Variants in AGPAT2 observed in about 807,000 individuals in gnomAD.
The protein encoded by AGPAT2 is 1-acyl-sn-glycerol-3-phosphate acyltransferase beta.
A neutral mutation model predicts 26.1 loss-of-function variants in AGPAT2; 18 were observed. The ratio of observed to expected loss-of-function variants is 0.69; its 90% confidence interval spans 0.48 to 1.02. The LOEUF (loss-of-function observed/expected upper bound fraction) is 1.02. Ranked by LOEUF, AGPAT2 falls within the 50% of genes least tolerant of loss-of-function variation. The pLI is 0.00. For synonymous variants in AGPAT2, 200 were observed against 174.2 expected, an observed-to-expected ratio of 1.15 and a Z score of -1.16; for missense variants, 415 against 394.9, an observed-to-expected ratio of 1.05 and a Z score of -0.43.
In AGPAT2 at chr9:136,685,067, G is replaced by C. The variant is rs555392755; in HGVS notation, c.182+2109C>G. On this transcript the variant is annotated intron_variant, in intron 1 of 5. Transcript: ENST00000371696. ...AGGGACCCTGGGGCCTGGGGAGCAC[G>C]TGCAGAGGTGTGGGGGAAGGTAGCC... Among the ~76,000 whole-genome samples the C allele has an allele frequency of 2.7e-3, 406 of 152,344 alleles. 4 individuals carry two copies. Among genetic ancestry groups the C allele is most frequent in the African/African-American group, 9.3e-3 (387 of 41,578 alleles).
At chr9:136,684,861 C>T (rs1244969818) in intron 1 of AGPAT2, among the ~76,000 whole-genome samples, 1 of 152,224 alleles carries the variant, frequency 6.6e-6, no homozygotes, top group Non-Finnish European at 1.5e-5. Context: ...CCGTGGCGTA[C>T]AGCAGGAACA....
intron 1 of AGPAT2, among the ~76,000 whole-genome samples, chr9:136,677,881 G>T (rs1365152352): frequency 6.6e-6 from 1 of 152,184 alleles, no homozygotes; most frequent in Non-Finnish European, 1.5e-5. Flanking sequence ...ACCCCACAGG[G>T]GACCCAGCCG....
Position 136,673,574 on chromosome 9 carries a change from C to T in AGPAT2, c.*178G>A. 1.5e-6 allele frequency: 1 copy of T among 671,150 alleles called. No individual in the cohort carries two copies. Among genetic ancestry groups the T allele is most frequent in the Non-Finnish European group, 2.3e-6 (1 of 439,238 alleles). 41.6% of individuals were successfully genotyped at this position (671,150 alleles called of 1,614,324 possible). A position where few individuals can be genotyped will look rare whatever the true frequency, so the allele number is the denominator to read the frequency against. On this transcript the variant is annotated 3_prime_UTR_variant, in exon 6 of 6. Transcript: ENST00000371696. ...GTCCAGCTGAGCCCCCTGCAGGGGA[C>T]ACCAGGGGCCTGTGTCTGAGGCCAG... is the stretch of plus-strand genomic sequence containing the variant.
rs1472525663 is a variant in AGPAT2 at position 136,674,363 on chromosome 9, AG to A, written c.661+371del. On this transcript the variant is annotated intron_variant, in intron 5 of 5. Transcript: ENST00000371696. ...TGGCTGGAAGGGGCAAGAGGTCATG[AG>A]CCCCGCAGCCTGTGCCCCTGGGCTG... is the stretch of plus-strand genomic sequence containing the variant. 3.3e-5 allele frequency among the ~76,000 whole-genome samples: 5 copies of A among 152,312 alleles called. No individual in the cohort carries two copies. In the East Asian group the frequency reaches 9.7e-4, roughly 29 times the overall value.
At chr9:136,674,542 C>T (rs552635300) in intron 5 of AGPAT2, among the ~76,000 whole-genome samples, 193 bp downstream of exon 5, 1 of 152,366 alleles carries the variant, frequency 6.6e-6, no homozygotes, top group East Asian at 1.9e-4. Context: ...GGCCCAGCAC[C>T]ACCCATCTCA....
chr9:136,681,193 C>T (rs760615110), intron 1 of AGPAT2, among the ~76,000 whole-genome samples: 40 of 152,086 alleles, frequency 2.6e-4, no homozygotes, highest in Admixed American at 5.9e-4. Flanking sequence ...TACAAACCCC[C>T]GCCCAGCAGG....
Position 136,687,157 on chromosome 9 carries a change from C to T in AGPAT2, c.182+19G>A. 1 of 1,575,802 alleles carries T rather than the reference C, an allele frequency of 6.3e-7. No homozygotes were observed. Among genetic ancestry groups the T allele is most frequent in the East Asian group, 2.4e-5 (1 of 41,704 alleles). ...GGCGCGGCGGTTCCCCGGCCCCTCCCGGCGGCCCCCGGCCTTGCCTCATGT... is the reference window on the plus strand; with the variant it reads ...GGCGCGGCGGTTCCCCGGCCCCTCCTGGCGGCCCCCGGCCTTGCCTCATGT... On this transcript the variant is annotated intron_variant, in intron 1 of 5. Coordinates refer to ENST00000371696, the MANE Select transcript of AGPAT2 (RefSeq NM_006412.4).
chr9:136,676,412 G>A (rs764418303), intron 4 of AGPAT2, among the ~76,000 whole-genome samples, 173 bp downstream of exon 4: 1 of 152,198 alleles, frequency 6.6e-6, no homozygotes, highest in Non-Finnish European at 1.5e-5. Flanking sequence ...CTCCCTGGTC[G>A]GTCAGGGGGC....
intron 2 of AGPAT2, 91 bp downstream of exon 2, chr9:136,677,330 CCT>C: frequency 6.3e-7 from 1 of 1,592,432 alleles, no homozygotes. Context: ...CACAGGCAGC[CCT>C]GTGTCCTCGT....
rs1238981495 is a variant in AGPAT2 at position 136,687,448 on chromosome 9, C to T, written c.-91G>A. The T allele has an allele frequency of 8.6e-7, 1 of 1,157,852 alleles. No individual in the cohort carries two copies. Among genetic ancestry groups the T allele is most frequent in the Non-Finnish European group, 1.1e-6 (1 of 897,236 alleles). 71.7% of individuals were successfully genotyped at this position (1,157,852 alleles called of 1,614,324 possible). On this transcript the variant is annotated 5_prime_UTR_variant, in exon 1 of 6. Transcript: ENST00000371696. The stretch of plus-strand genomic sequence containing the variant: ...GCGCTCAGGCCCCTTATTGCGAGGG[C>T]GGCGGGGCTGGGCGGGGCGGGGCGC...
rs531262288 is a variant in AGPAT2 at position 136,681,205 on chromosome 9, G to A, written c.183-3649C>T. On this transcript the variant is annotated intron_variant, in intron 1 of 5. Transcript: ENST00000371696. The stretch of plus-strand genomic sequence containing the variant: ...GGGTACAAACCCCCGCCCAGCAGGC[G>A]GTGCTGAGCAGGCGCTGTGTCCCGC... 7.2e-5 allele frequency among the ~76,000 whole-genome samples: 11 copies of A among 152,060 alleles called. No homozygotes were observed. The East Asian group carries it at 1.5e-3, about 21-fold the overall frequency.
In AGPAT2 at chr9:136,676,494, C is replaced by T. The variant is rs565975294; in HGVS notation, c.588+91G>A. The T allele has an allele frequency of 6.1e-5, 63 of 1,035,734 alleles. No homozygotes were observed. The East Asian group carries it at 1.5e-3, about 24-fold the overall frequency. 64.2% of individuals were successfully genotyped at this position (1,035,734 alleles called of 1,614,324 possible). On this transcript the variant is annotated intron_variant, in intron 4 of 5. Transcript: ENST00000371696. The stretch of plus-strand genomic sequence containing the variant: ...GAGTCCCTTGTGTGTCAAGGGTCCT[C>T]AGCTCGGCTGGTGGTCACCTGCTGC...
chr9:136,676,914 G>GC (rs2119184570), intron 3 of AGPAT2, 47 bp downstream of exon 3: 198 of 578,346 alleles, frequency 3.4e-4, no homozygotes, highest in Non-Finnish European at 5.3e-4. Context: ...GCCTGGCCCC[G>GC]CCCAGGCCCC....
intron 1 of AGPAT2, among the ~76,000 whole-genome samples, chr9:136,682,217 T>TC (rs1329620424): frequency 1.3e-5 from 2 of 151,254 alleles, no homozygotes; most frequent in African/African-American, 4.9e-5. Context: ...GCTCCCTCCC[T>TC]CCCCCGGGCT....
chr9:136,675,444 A>G (rs71483288), intron 4 of AGPAT2, among the ~76,000 whole-genome samples: 302 of 15,318 alleles, frequency 0.02, 28 homozygotes, highest in Middle Eastern at 0.05. Context: ...GGAAGGGAGG[A>G]GGCCAGCAGG....
rs773288073 is a variant in AGPAT2 at position 136,677,522 on chromosome 9, A to G, written c.217T>C (p.Phe73Leu). 6.2e-7 allele frequency: 1 copy of G among 1,612,958 alleles called. No homozygotes were observed. ...IGWFVRSFKY[F>L]YGLRFEVRDP... ...CGCACCTCGAAGCGGAGCCCGTAAA[A>G]GTACTTGAAGCTTCGCACGAACCAG... The change falls in exon 2 of 6, where the codon TTT (phenylalanine) becomes CTT (leucine). Residue 73 changes from phenylalanine to leucine, a missense_variant. Coordinates refer to ENST00000371696, the MANE Select transcript of AGPAT2 (RefSeq NM_006412.4).
Position 136,673,883 on chromosome 9 carries a change from G to C in AGPAT2, c.706C>G (p.Leu236Val). The change falls in exon 6 of 6, where the codon CTC (leucine) becomes GTC (valine). Residue 236 changes from leucine (L) to valine (V), a missense_variant. By Grantham distance (32) the Leu-to-Val change is conservative. Transcript: ENST00000371696. ...AGCGCAGGGACGTCCGCCGCAGTGA[G>C]GCCGCTGGTGGGGATGGCTTCCAGC... ...QVLEAIPTSG[L>V]TAADVPALVD... The C allele has an allele frequency of 5.0e-6, 8 of 1,601,388 alleles. No homozygotes were observed. The highest frequency in any genetic ancestry group is 6.8e-6 in the Non-Finnish European group (8 of 1,175,206).
chr9:136,685,721 C>T (rs1846213149), intron 1 of AGPAT2, among the ~76,000 whole-genome samples: 2 of 152,188 alleles, frequency 1.3e-5, no homozygotes, highest in Admixed American at 1.3e-4. Flanking sequence ...ACTGGCCCCT[C>T]CTCAGCTGGG....
In AGPAT2 at chr9:136,673,542, G is replaced by A. The variant is rs1475232541; in HGVS notation, c.*210C>T. The A allele has an allele frequency of 2.8e-5, 13 of 461,488 alleles. No homozygotes were observed. Among genetic ancestry groups the A allele is most frequent in the East Asian group, 1.8e-4 (5 of 27,946 alleles). 28.6% of individuals were successfully genotyped at this position (461,488 alleles called of 1,614,324 possible). On this transcript the variant is annotated 3_prime_UTR_variant, in exon 6 of 6. Transcript: ENST00000371696. ...GGCGCGAGTCCCTGCCCTCGAGCCC[G>A]GGGAGGGTCCAGCTGAGCCCCCTGC...
Sources: allele counts gnomAD v4.1 joint callset (sites outside exome capture counted in the v4.1 genomes callset), GRCh38; gene constraint gnomAD v4.1.1; transcripts MANE v1.5; gene names NCBI Gene and HGNC (gene_info 2026-07-23, HGNC 2026-07-21).